Variants in LINGO2 observed in about 807,000 individuals in gnomAD.
LINGO2 encodes the protein leucine-rich repeat and immunoglobulin-like domain-containing nogo receptor-interacting protein 2.
Under a neutral mutation model 30.6 loss-of-function variants are expected in LINGO2, and 14 were observed. The observed-to-expected ratio is 0.46, with a 90% CI of 0.30 to 0.72. The LOEUF (loss-of-function observed/expected upper bound fraction) is 0.72, where lower values mean the gene tolerates loss of function less well. Among genes scored for constraint, LINGO2 ranks in the 30% least tolerant of loss-of-function variants. LINGO2 has a pLI of 0.07. For missense variants in LINGO2, 729 were observed against 751.7 expected, an observed-to-expected ratio of 0.97 and a Z score of 0.35; for synonymous variants, 317 against 288.5, an observed-to-expected ratio of 1.10 and a Z score of -1.00.
intron 1 of LINGO2, among the ~76,000 whole-genome samples, chr9:28,492,503 G>A (rs949947827): frequency 3.3e-5 from 5 of 152,120 alleles, no homozygotes; most frequent in Admixed American, 2.6e-4. Flanking sequence ...ATAGCTTTAG[G>A]TGACAATAAA....
intron 3 of LINGO2, among the ~76,000 whole-genome samples, chr9:28,308,994 C>G (rs1050460327): frequency 6.6e-6 from 1 of 152,062 alleles, no homozygotes; most frequent in East Asian, 1.9e-4. Context: ...GGACTGTAAA[C>G]TAGTTCAACC....
chr9:28,744,092 C>CTA, the LINGO2 span, among the ~76,000 whole-genome samples: 15 of 132,166 alleles, frequency 1.1e-4, no homozygotes, highest in African/African-American at 4.1e-4. Flanking sequence ...TCTTGAACTC[C>CTA]TATATATATA....
At chr9:28,806,404 A>G in the LINGO2 span, among the ~76,000 whole-genome samples, 1 of 152,162 alleles carries the variant, frequency 6.6e-6, no homozygotes, top group South Asian at 2.1e-4. Flanking sequence ...CTAATATTAT[A>G]TTAATAACTT....
At chr9:28,861,456 C>T in the LINGO2 span, among the ~76,000 whole-genome samples, 2 of 146,986 alleles carry the variant, frequency 1.4e-5, no homozygotes, top group South Asian at 2.1e-4. Context: ...ATAGTTCTCA[C>T]AGAAATTAGG....
the LINGO2 span, among the ~76,000 whole-genome samples, chr9:29,099,045 G>T: frequency 1.3e-5 from 2 of 152,092 alleles, no homozygotes; most frequent in African/African-American, 4.8e-5. Flanking sequence ...ATAGACCAGC[G>T]GAACAGAATA....
At chr9:28,333,854 A>T (rs1266980754) in intron 3 of LINGO2, among the ~76,000 whole-genome samples, 1 of 152,196 alleles carries the variant, frequency 6.6e-6, no homozygotes, top group Non-Finnish European at 1.5e-5. Flanking sequence ...ATTAAATCTA[A>T]CATTATATTC....
chr9:28,722,386 T>C, the LINGO2 span, among the ~76,000 whole-genome samples: 1 of 152,082 alleles, frequency 6.6e-6, no homozygotes, highest in African/African-American at 2.4e-5. Flanking sequence ...ACTAAATCTG[T>C]ATAATTATGG....
At position 28,553,466 on chromosome 9, in the gene LINGO2, C is replaced by T. The variant is rs376124297; in HGVS notation, c.-364-77441G>A. Among the ~76,000 whole-genome samples, 234 of 151,980 alleles carry T rather than the reference C, an allele frequency of 1.5e-3. 1 individual carries two copies. The highest frequency in any genetic ancestry group is 4.1e-3 in the African/African-American group (171 of 41,484). The stretch of plus-strand genomic sequence containing the variant: ...TTAGAGAAAAAAGAATAAAAAGAAA[C>T]GAGCAAAGTCTCCAAGAAATATGGG... On this transcript the variant is annotated intron_variant, in intron 1 of 5. Transcript: ENST00000379992.
chr9:28,929,438 G>C, the LINGO2 span, among the ~76,000 whole-genome samples: 11 of 152,338 alleles, frequency 7.2e-5, 1 homozygote, highest in South Asian at 2.3e-3. Context: ...GAGGAGAGAG[G>C]GTTGGGAGGA....
chr9:28,562,362 T>A (rs909558185), intron 1 of LINGO2, among the ~76,000 whole-genome samples: 1 of 146,692 alleles, frequency 6.8e-6, no homozygotes, highest in South Asian at 2.2e-4. Flanking sequence ...CTCTCCCACA[T>A]AACCATCTCT....
At chr9:28,025,775 C>T (rs753973101) in intron 4 of LINGO2, among the ~76,000 whole-genome samples, 1 of 152,156 alleles carries the variant, frequency 6.6e-6, no homozygotes, top group Non-Finnish European at 1.5e-5. Flanking sequence ...ATCCAGAAGG[C>T]AGAGAGCCAG....
At chr9:29,014,205 G>C in the LINGO2 span, among the ~76,000 whole-genome samples, 2 of 152,048 alleles carry the variant, frequency 1.3e-5, no homozygotes, top group East Asian at 3.9e-4. Flanking sequence ...CAATCCTTAT[G>C]AATGAGTCTC....
intron 4 of LINGO2, among the ~76,000 whole-genome samples, chr9:28,177,039 T>G (rs2133690949): frequency 6.6e-6 from 1 of 152,272 alleles, no homozygotes; most frequent in East Asian, 1.9e-4. Context: ...ATTTACCAAG[T>G]CTTAGGAATC....
At chr9:27,999,430 A>G (rs1587652758) in intron 5 of LINGO2, among the ~76,000 whole-genome samples, 1 of 129,938 alleles carries the variant, frequency 7.7e-6, no homozygotes, top group Non-Finnish European at 1.6e-5. Context: ...CACAGTGCCT[A>G]ATCTTCAGAG....
At chr9:28,572,484 G>C (rs1270508799) in intron 1 of LINGO2, among the ~76,000 whole-genome samples, 1 of 152,006 alleles carries the variant, frequency 6.6e-6, no homozygotes, top group Non-Finnish European at 1.5e-5. Context: ...TTGAAATCCA[G>C]TACAAACTGA....
At chr9:28,281,472 T>C (rs1038986038) in intron 4 of LINGO2, among the ~76,000 whole-genome samples, 1 of 18,698 alleles carries the variant, frequency 5.3e-5, no homozygotes, top group African/African-American at 1.1e-4. Context: ...AATTTACATA[T>C]ATATATATAC....
At chr9:28,136,982 C>T (rs1827534985) in intron 4 of LINGO2, among the ~76,000 whole-genome samples, 1 of 152,064 alleles carries the variant, frequency 6.6e-6, no homozygotes, top group African/African-American at 2.4e-5. Context: ...TGTTGGTCTT[C>T]TCCTGCCTTC....
In LINGO2 at chr9:28,193,085, G is replaced by A. The variant is rs572488371; in HGVS notation, c.-87+102123C>T. On this transcript the variant is annotated intron_variant, in intron 4 of 5. Transcript: ENST00000379992. ...AATTTATTCCTAGAGGAATCAAGAT[G>A]AAAAGATAGATTACACTGATGTTCT... Among the ~76,000 whole-genome samples, 388 of 152,296 alleles carry A rather than the reference G, an allele frequency of 2.5e-3. 4 individuals are homozygous for A. The highest frequency in any genetic ancestry group is 8.9e-3 in the African/African-American group (369 of 41,582).
At chr9:28,290,440 A>C (rs1764946923) in intron 4 of LINGO2, among the ~76,000 whole-genome samples, 1 of 152,178 alleles carries the variant, frequency 6.6e-6, no homozygotes, top group South Asian at 2.1e-4. Flanking sequence ...ATGGCAGACT[A>C]AAAGTGTTAC....
Sources: allele counts gnomAD v4.1 joint callset (sites outside exome capture counted in the v4.1 genomes callset), GRCh38; gene constraint gnomAD v4.1.1; transcripts MANE v1.5; gene names NCBI Gene and HGNC (gene_info 2026-07-23, HGNC 2026-07-21).